The following CACNG4 variants were observed in gnomAD, a reference collection of about 807,000 sequenced individuals.
The protein encoded by CACNG4 is voltage-dependent calcium channel gamma-4 subunit.
A neutral mutation model predicts 22.9 loss-of-function variants in CACNG4; 8 were observed. The observed-to-expected ratio is 0.35, with a 90% confidence interval of 0.21 to 0.63. CACNG4 has a LOEUF of 0.63. Among genes scored for constraint, CACNG4 ranks in the 30% least tolerant of loss-of-function variants. CACNG4 has a pLI of 0.72. For synonymous variants in CACNG4, 188 were observed against 191.9 expected (o/e 0.98, Z 0.17); for missense variants, 357 against 455.4 (o/e 0.78, Z 1.97).
chr17:67,015,513 T>G (rs989585701), intron 1 of CACNG4, among the ~76,000 whole-genome samples: 2 of 152,166 alleles, frequency 1.3e-5, no homozygotes, highest in African/African-American at 4.8e-5. Flanking sequence ...GATGTTGTCA[T>G]GGGGAGAAGC....
chr17:67,023,946 C>T (rs1425607102), intron 2 of CACNG4, among the ~76,000 whole-genome samples: 1 of 152,202 alleles, frequency 6.6e-6, no homozygotes, highest in Admixed American at 6.5e-5. Flanking sequence ...TCTAGGGAGG[C>T]TGCAATTCAA....
rs548159717 is a variant in CACNG4 at position 67,025,834 on chromosome 17, G to A, written c.445+834G>A. On this transcript the variant is annotated intron_variant, in intron 3 of 3. Coordinates refer to ENST00000262138, the MANE Select transcript of CACNG4 (RefSeq NM_014405.4). ...GACTTCCGTTCACATCCTGGGACCC[G>A]CAGCCACTGCAGCCTTAGAGGGGCT... is the stretch of plus-strand genomic sequence containing the variant. Among the ~76,000 whole-genome samples the A allele has an allele frequency of 3.5e-3, 532 of 152,356 alleles. 3 individuals carry two copies. The highest frequency in any genetic ancestry group is 5.5e-3 in the Non-Finnish European group (375 of 68,032).
chr17:67,029,549 G>T (rs533735376), intron 3 of CACNG4, among the ~76,000 whole-genome samples: 2 of 152,140 alleles, frequency 1.3e-5, no homozygotes, highest in East Asian at 3.9e-4. Context: ...CGGGAGAATT[G>T]CTTGAACCCG....
chr17:67,033,032 C>G lies in CACNG4; in HGVS notation c.*2028C>G, dbSNP rs1468013296. On this transcript the variant is annotated 3_prime_UTR_variant, in exon 4 of 4. Transcript: ENST00000262138. ...TGTTCCAATGAATCCTACCTCTTGC[C>G]CAGTCCCAGGCAGAGTAAGCAGGGC... The G allele has an allele frequency of 1.3e-5, 2 of 152,860 alleles. No individual in the cohort carries two copies. The highest frequency in any genetic ancestry group is 2.4e-5 in the African/African-American group (1 of 41,444). 9.5% of individuals were successfully genotyped at this position (152,860 alleles called of 1,614,324 possible). A position where few individuals can be genotyped will look rare whatever the true frequency, so the allele number is the denominator to read the frequency against.
intron 1 of CACNG4, among the ~76,000 whole-genome samples, chr17:66,970,580 T>C (rs1598099591): frequency 2.0e-5 from 3 of 152,166 alleles, no homozygotes; most frequent in East Asian, 3.9e-4. Flanking sequence ...ACTGCTGACA[T>C]TGGGGCCAGA....
intron 1 of CACNG4, among the ~76,000 whole-genome samples, chr17:67,004,290 A>G (rs1359496812): frequency 1.3e-5 from 2 of 152,180 alleles, no homozygotes; most frequent in Non-Finnish European, 2.9e-5. Context: ...GGTTGGGGAA[A>G]TCTCTCCGGC....
intron 2 of CACNG4, 64 bp from the exon 3 acceptor site, chr17:67,024,796 C>A (rs114207537): frequency 7.0e-7 from 1 of 1,421,008 alleles, no homozygotes; most frequent in Non-Finnish European, 9.2e-7. Flanking sequence ...ACATACGCAG[C>A]CATGCCCGGG....
At chr17:67,015,763 T>C (rs922548133) in intron 1 of CACNG4, among the ~76,000 whole-genome samples, 1 of 152,070 alleles carries the variant, frequency 6.6e-6, no homozygotes, top group Non-Finnish European at 1.5e-5. Flanking sequence ...TTGCCACTGG[T>C]CCCACCATGC....
At chr17:67,002,656 A>G (rs1224420634) in intron 1 of CACNG4, among the ~76,000 whole-genome samples, 1 of 146,886 alleles carries the variant, frequency 6.8e-6, no homozygotes, top group African/African-American at 2.5e-5. Context: ...CCATCCTCAA[A>G]TAGAATAGGG....
chr17:66,984,507 T>C lies in CACNG4; in HGVS notation c.220+19376T>C, dbSNP rs1393418115. 6.6e-6 allele frequency among the ~76,000 whole-genome samples: 1 copy of C among 152,132 alleles called. No individual in the cohort carries two copies. The highest frequency in any genetic ancestry group is 1.5e-5 in the Non-Finnish European group (1 of 68,028). On this transcript the variant is annotated intron_variant, in intron 1 of 3. Coordinates refer to ENST00000262138, the MANE Select transcript of CACNG4 (RefSeq NM_014405.4). The surrounding 1 kb of genome is among the most constrained non-coding windows in gnomAD (Gnocchi z 4.0). The stretch of plus-strand genomic sequence containing the variant: ...CTTCAGTCCTAGGTGATCCAGCAAA[T>C]ACTAGTCGAGAATGTGTGTGCCTAG...
At position 66,965,116 on chromosome 17, in the gene CACNG4, G is replaced by A; in HGVS notation, c.205G>A (p.Val69Met). The A allele has an allele frequency of 1.3e-6, 2 of 1,582,826 alleles. No homozygotes were observed. The highest frequency in any genetic ancestry group is 1.7e-6 in the Non-Finnish European group (2 of 1,166,880). ...CCTCACCCACTCTGGTCTGTGGCGG[G>A]TGTGCTGCATCGAAGGTACGGCCAG... The part of the protein sequence containing the change: ...GDLTHSGLWR[V>M]CCIEGIYKGH... The change falls in exon 1 of 4, where the codon GTG (valine) becomes ATG (methionine). Residue 69 changes from valine to methionine, a missense_variant. Transcript: ENST00000262138.
rs576582992 is a variant in CACNG4, at chr17:66,984,810, T to A, written c.220+19679T>A. The stretch of plus-strand genomic sequence containing the variant: ...AGAAGGCGAAGCAGCAGGGGCAGAG[T>A]TTGACTTGAACCCGAGCCTGAGTTT... On this transcript the variant is annotated intron_variant, in intron 1 of 3. Coordinates refer to ENST00000262138, the MANE Select transcript of CACNG4 (RefSeq NM_014405.4). This position sits in a 1 kb window ranked among gnomAD's most constrained non-coding sequence, Gnocchi z 4.0. Among the ~76,000 whole-genome samples, 17 of 152,118 alleles carry A rather than the reference T, an allele frequency of 1.1e-4. No homozygotes were observed. Among genetic ancestry groups the A allele is most frequent in the African/African-American group, 4.1e-4 (17 of 41,506 alleles).
At chr17:66,981,429 GTTC>G (rs1413069953) in intron 1 of CACNG4, among the ~76,000 whole-genome samples, 1 of 151,996 alleles carries the variant, frequency 6.6e-6, no homozygotes, top group Non-Finnish European at 1.5e-5. Flanking sequence ...GTTTTTTTGG[GTTC>G]TTCTTTGGTC....
At chr17:67,021,323 G>A (rs1308027725) in intron 2 of CACNG4, among the ~76,000 whole-genome samples, 1 of 152,266 alleles carries the variant, frequency 6.6e-6, no homozygotes, top group Non-Finnish European at 1.5e-5. Flanking sequence ...TTTGGAGAAG[G>A]CAGCAGAAGC....
intron 1 of CACNG4, among the ~76,000 whole-genome samples, chr17:66,973,070 AC>A (rs1435567912): frequency 6.6e-6 from 1 of 152,080 alleles, no homozygotes; most frequent in Non-Finnish European, 1.5e-5. Context: ...ATATGGTGAA[AC>A]CCCCAACTCT....
intron 1 of CACNG4, among the ~76,000 whole-genome samples, chr17:67,001,851 G>T (rs773650115): frequency 6.6e-6 from 1 of 152,212 alleles, no homozygotes. Flanking sequence ...TGGGCAGGAC[G>T]CAGGCAGGAT....
At chr17:66,969,842 C>T (rs1424972731) in intron 1 of CACNG4, among the ~76,000 whole-genome samples, 1 of 152,176 alleles carries the variant, frequency 6.6e-6, no homozygotes, top group African/African-American at 2.4e-5. Context: ...AGCCTTTCTC[C>T]ACCCACTCCA....
intron 1 of CACNG4, among the ~76,000 whole-genome samples, chr17:67,017,517 GTTGTTGT>G (rs1280459699): frequency 6.7e-6 from 1 of 150,106 alleles, no homozygotes; most frequent in East Asian, 2.1e-4. Flanking sequence ...TGTTGTTGTT[GTTGTTGT>G]TTGTTGTTGT....
chr17:66,983,867 G>C (rs927438458), intron 1 of CACNG4, among the ~76,000 whole-genome samples: 3 of 152,152 alleles, frequency 2.0e-5, no homozygotes, highest in African/African-American at 7.2e-5. Flanking sequence ...TGATCATACT[G>C]TGTGTTTCCA....
Sources: gnomAD v4.1 joint callset for allele counts (sites outside exome capture counted in the v4.1 genomes callset) on GRCh38, gnomAD v4.1.1 for gene constraint, Gnocchi (gnomAD v3.1) non-coding constraint, MANE v1.5 for transcripts, NCBI Gene and HGNC (gene_info 2026-07-23, HGNC 2026-07-21) for gene names.